Variants in MACF1 observed in about 807,000 individuals in gnomAD.
MACF1 encodes microtubule actin crosslinking factor 1, also known as microtubule-actin cross-linking factor 1.
MACF1 carries 193 observed loss-of-function variants against 854.8 expected under a neutral mutation model. The observed-to-expected ratio is 0.23, with a 90% CI of 0.20 to 0.25. The LOEUF (loss-of-function observed/expected upper bound fraction) is 0.25. MACF1 is among the 10% of genes least tolerant of loss of function. The pLI, the probability that MACF1 is intolerant of heterozygous loss-of-function variation, is 1.00. For synonymous variants in MACF1, 3,185 were observed against 3,226.7 expected (o/e 0.99, Z 0.44); for missense variants, 7,722 against 8,929.1 (o/e 0.86, Z 5.45).
chr1:39,172,102 G>C (rs1643958648), intron 2 of MACF1, among the ~76,000 whole-genome samples: 1 of 152,202 alleles, frequency 6.6e-6, no homozygotes, highest in African/African-American at 2.4e-5. Flanking sequence ...ATCAGCTGCA[G>C]AAGAGCCATT....
intron 2 of MACF1, among the ~76,000 whole-genome samples, chr1:39,240,367 T>A (rs962587500): frequency 1.3e-5 from 2 of 152,188 alleles, no homozygotes; most frequent in African/African-American, 4.8e-5. Context: ...CTGGACCTGA[T>A]TTTTTAGGGC....
At chr1:39,095,352 A>G (rs1234783983) in intron 2 of MACF1, among the ~76,000 whole-genome samples, 2 of 149,178 alleles carry the variant, frequency 1.3e-5, no homozygotes, top group East Asian at 2.0e-4. Context: ...CATGAGGTCA[A>G]CAGATCGAGA....
chr1:39,206,226 A>G (rs1274135714), intron 1 of MACF1, among the ~76,000 whole-genome samples: 1 of 152,216 alleles, frequency 6.6e-6, no homozygotes, highest in African/African-American at 2.4e-5. Flanking sequence ...TAGCAGCGGA[A>G]ACAAAGACAG....
At position 39,468,648 on chromosome 1, in the gene MACF1, A is replaced by G. The variant is rs1291632666; in HGVS notation, c.21805A>G (p.Ile7269Val). 5 of 1,614,178 alleles carry G rather than the reference A, an allele frequency of 3.1e-6. No individual in the cohort carries two copies. The highest frequency in any genetic ancestry group is 4.2e-6 in the Non-Finnish European group (5 of 1,180,034). Residue 7269 changes from isoleucine (I) to valine (V), a missense_variant, in exon 96 of 101, where the codon ATT (isoleucine) becomes GTT (valine). By Grantham distance (29) the Ile-to-Val change is conservative. Around this residue, in one of 15 missense-constraint regions of MACF1, gnomAD observed 153 missense variants for 342.5 expected, o/e 0.45. Transcript: ENST00000564288. ...GDSQQLRLVRILRSTVMVRVG... is the reference protein window; with the variant it reads ...GDSQQLRLVRVLRSTVMVRVG... Reference sequence around the variant, plus strand: ...TTCTCAGCAGTTGCGGCTGGTCCGTATTCTGCGCAGCACCGTGATGGTTCG... The same window carrying G: ...TTCTCAGCAGTTGCGGCTGGTCCGTGTTCTGCGCAGCACCGTGATGGTTCG...
Position 39,361,618 on chromosome 1 carries a change from A to C in MACF1, c.12712A>C (p.Met4238Leu). 6.2e-7 allele frequency: 1 copy of C among 1,614,222 alleles called. No homozygotes were observed. The highest frequency in any genetic ancestry group is 2.2e-5 in the East Asian group (1 of 44,886). ...LQQFMENKSR[M>L]LASGNQPDQD... ...GCAGTTCATGGAAAACAAAAGTCGG[A>C]TGCTGGCCTCTGGAAATCAGCCAGA... Residue 4238 changes from methionine to leucine, a missense_variant, in exon 49 of 101, where the codon ATG (methionine) becomes CTG (leucine). Coordinates refer to ENST00000564288, the MANE Select transcript of MACF1 (RefSeq NM_001394062.1).
chr1:39,229,297 G>A (rs191816186), intron 1 of MACF1, among the ~76,000 whole-genome samples: 1 of 152,302 alleles, frequency 6.6e-6, no homozygotes, highest in African/African-American at 2.4e-5. Flanking sequence ...CGAAAAGAAG[G>A]ATGTGAGGAT....
rs1246845243 is a variant in MACF1, at chr1:39,422,948, GT to G, written c.16149+49del. The G allele has an allele frequency of 1.9e-6, 3 of 1,542,550 alleles. No individual in the cohort carries two copies. The African/African-American group carries it at 4.1e-5, about 21-fold the overall frequency. On this transcript the variant is annotated intron_variant, in intron 60 of 100. Coordinates refer to ENST00000564288, the MANE Select transcript of MACF1 (RefSeq NM_001394062.1). ...TGAACTGTAACAGCCGTAGGGAGTA[GT>G]AGACAACACATTTGCTTATAGTTTA... is the stretch of plus-strand genomic sequence containing the variant.
chr1:39,134,870 G>A (rs983501733), intron 2 of MACF1, among the ~76,000 whole-genome samples: 3 of 152,072 alleles, frequency 2.0e-5, no homozygotes, highest in Non-Finnish European at 4.4e-5. Flanking sequence ...TTGTGCAGCC[G>A]TCACTATTAT....
In MACF1 at chr1:39,105,200, G is replaced by A. The variant is rs1486834475; in HGVS notation, c.220+20762G>A. Among the ~76,000 whole-genome samples, 1 of 151,446 alleles carries A rather than the reference G, an allele frequency of 6.6e-6. No homozygotes were observed. Among genetic ancestry groups the A allele is most frequent in the South Asian group, 2.1e-4 (1 of 4,830 alleles). ...GGGCGGGGGTCGGCAGCCCCTGGGG[G>A]ACCCGTGTGGGCAGCCCGGGCCCAG... On this transcript the variant is annotated intron_variant, in intron 2 of 93. Transcript: ENST00000361689. This position sits in a 1 kb window ranked among gnomAD's most constrained non-coding sequence, Gnocchi z 5.9.
intron 68 of MACF1, among the ~76,000 whole-genome samples, chr1:39,434,125 C>T (rs962287363): frequency 6.6e-6 from 1 of 151,970 alleles, no homozygotes; most frequent in African/African-American, 2.4e-5. Context: ...GGTTGTGTAT[C>T]ATTACTGAAA....
chr1:39,228,394 C>T (rs908260086), intron 1 of MACF1, among the ~76,000 whole-genome samples: 1 of 152,020 alleles, frequency 6.6e-6, no homozygotes, highest in Non-Finnish European at 1.5e-5. Flanking sequence ...AGAGAAGTAG[C>T]CAGTCATGAA....
chr1:39,295,399 A>C (rs1314487536), intron 19 of MACF1, among the ~76,000 whole-genome samples: 1 of 152,212 alleles, frequency 6.6e-6, no homozygotes, highest in African/African-American at 2.4e-5. Flanking sequence ...TCAGAGGAAA[A>C]GTGACTTGGA....
rs373306443 is a variant in MACF1, at chr1:39,285,638, A to G, written c.1388A>G (p.Gln463Arg). 6.2e-7 allele frequency: 1 copy of G among 1,614,014 alleles called. No individual in the cohort carries two copies. The change falls in exon 14 of 101, where the codon CAA becomes CGA. Residue 463 changes from glutamine (Q) to arginine (R), a missense_variant. Transcript: ENST00000564288. ...CACCTGGAATCAGGACAACCGGTAC[A>G]ATGTGAGTCAGATGTCATTATGTAC... ...AAHLESGQPV[Q>R]CESDVIMYIQ...
intron 97 of MACF1, 80 bp from the exon 98 acceptor site, chr1:39,479,718 G>T: frequency 8.2e-7 from 1 of 1,226,118 alleles, no homozygotes; most frequent in East Asian, 2.4e-5. Context: ...CTGTTATCAT[G>T]GGGTCAAGCC....
At position 39,261,043 on chromosome 1, in the gene MACF1, T is replaced by A. The variant is rs1344749028; in HGVS notation, c.528+3015T>A. Among the ~76,000 whole-genome samples, 4 of 152,300 alleles carry A rather than the reference T, an allele frequency of 2.6e-5. No individual in the cohort carries two copies. The East Asian group carries it at 7.7e-4, about 29-fold the overall frequency. On this transcript the variant is annotated intron_variant, in intron 6 of 100. Coordinates refer to ENST00000564288, the MANE Select transcript of MACF1 (RefSeq NM_001394062.1). ...TATTGTTGTTAAGCCACAAATTCAA[T>A]ACACAATTAAGGTTCATTTGTTTTT...
At chr1:39,389,040 A>G (rs888190480) in intron 58 of MACF1, among the ~76,000 whole-genome samples, 9 of 151,140 alleles carry the variant, frequency 6.0e-5, no homozygotes, top group Admixed American at 5.3e-4. Context: ...ATACCCGGCT[A>G]ATTTTTTGTA....
chr1:39,310,538 T>C (rs1646279061), intron 25 of MACF1, 110 bp downstream of exon 25: 1 of 1,189,484 alleles, frequency 8.4e-7, no homozygotes, highest in African/African-American at 1.5e-5. Flanking sequence ...TTTTTTCCAT[T>C]TGAGTAGCTA....
Position 39,084,458 on chromosome 1 carries a change from A to G in MACF1, c.220+20A>G, listed in dbSNP as rs866124271. 1.0e-5 allele frequency: 16 copies of G among 1,594,600 alleles called. 1 individual carries two copies. In the Middle Eastern group the frequency reaches 2.2e-3, roughly 215 times the overall value. On this transcript the variant is annotated intron_variant, in intron 2 of 93. Transcript: ENST00000361689. The surrounding 1 kb of genome is among the most constrained non-coding windows in gnomAD (Gnocchi z 5.2). ...TCGCTGGTAAGAGAGGTCCCCCAGC[A>G]GGCTGGACGCTGTGGGTGTGAGGGA... is the stretch of plus-strand genomic sequence containing the variant.
Position 39,385,899 on chromosome 1 carries a change from C to G in MACF1, c.14314C>G (p.Leu4772Val), listed in dbSNP as rs202080967. 6.2e-7 allele frequency: 1 copy of G among 1,612,814 alleles called. No individual in the cohort carries two copies. Among genetic ancestry groups the G allele is most frequent in the South Asian group, 1.1e-5 (1 of 91,016 alleles). The change falls in exon 57 of 101, where the codon CTG (leucine) becomes GTG (valine). Residue 4772 changes from leucine (L) to valine (V), a missense_variant. Transcript: ENST00000564288. ...ELKKRLETVA[L>V]PLQGLEDLAA... is the part of the protein sequence containing the mutation. ...GAAGAAGCGTTTGGAGACAGTTGCC[C>G]TGCCTCTCCAAGGTTTAGAAGACCT...
Sources: allele counts gnomAD v4.1 joint callset (sites outside exome capture counted in the v4.1 genomes callset), GRCh38; gene constraint gnomAD v4.1.1; regional missense constraint gnomAD v4.1.1; non-coding constraint Gnocchi (gnomAD v3.1); transcripts MANE v1.5; gene names NCBI Gene and HGNC (gene_info 2026-07-23, HGNC 2026-07-21).